Variants in ERC2 observed in about 807,000 individuals in gnomAD.
ERC2 encodes ELKS/RAB6-interacting/CAST family member 2.
ERC2 carries 42 observed loss-of-function variants against 114.8 expected under a neutral mutation model. The ratio of observed to expected loss-of-function variants is 0.37; its 90% CI spans 0.29 to 0.47. The LOEUF (loss-of-function observed/expected upper bound fraction) is 0.47, where lower values mean the gene tolerates loss of function less well. Ranked by LOEUF, ERC2 falls within the 20% of genes least tolerant of loss-of-function variation. The pLI is 0.99. For missense variants in ERC2, 939 were observed against 1,150.7 expected (o/e 0.82, Z 2.66); for synonymous variants, 454 against 425.5 (o/e 1.07, Z -0.82).
chr3:56,333,877 T>C (rs889114654), intron 2 of ERC2, among the ~76,000 whole-genome samples: 1 of 152,208 alleles, frequency 6.6e-6, no homozygotes, highest in African/African-American at 2.4e-5. Context: ...AGGAAACATA[T>C]TTTGAAGTCT....
In ERC2 at chr3:56,427,264, G is replaced by T. The variant is rs72875329; in HGVS notation, c.657+7087C>A. On this transcript the variant is annotated intron_variant, in intron 2 of 17. Coordinates refer to ENST00000288221, the MANE Select transcript of ERC2 (RefSeq NM_015576.3). The stretch of plus-strand genomic sequence containing the variant: ...TTGTTTTTCAGGGATTTTTTGTTTG[G>T]TTGGTTGGTTGGTTGGTTAGTTGGT... 5.2e-3 allele frequency among the ~76,000 whole-genome samples: 732 copies of T among 140,304 alleles called. 3 individuals carry two copies. The highest frequency in any genetic ancestry group is 6.7e-3 in the Non-Finnish European group (450 of 66,982). 92.0% of individuals were successfully genotyped at this position (140,304 alleles called of 152,430 possible). A position where few individuals can be genotyped will look rare whatever the true frequency, so the allele number is the denominator to read the frequency against.
At chr3:55,685,553 G>A (rs1051793678) in intron 16 of ERC2, among the ~76,000 whole-genome samples, 1 of 152,140 alleles carries the variant, frequency 6.6e-6, no homozygotes, top group African/African-American at 2.4e-5. Flanking sequence ...CTTCATGAAG[G>A]AGGGAAGTTT....
At chr3:56,064,076 A>G (rs1393500834) in intron 7 of ERC2, among the ~76,000 whole-genome samples, 1 of 152,218 alleles carries the variant, frequency 6.6e-6, no homozygotes, top group Non-Finnish European at 1.5e-5. Context: ...TAGCTAAATC[A>G]ATACCTACAT....
intron 3 of ERC2, among the ~76,000 whole-genome samples, chr3:56,291,705 C>T (rs1456961778): frequency 6.6e-6 from 1 of 151,922 alleles, no homozygotes; most frequent in African/African-American, 2.4e-5. Flanking sequence ...ACCTCAAGTA[C>T]ATTTTAAATC....
chr3:55,678,446 T>C (rs1434416825), intron 17 of ERC2, among the ~76,000 whole-genome samples: 1 of 152,208 alleles, frequency 6.6e-6, no homozygotes, highest in Admixed American at 6.5e-5. Context: ...TAGGTCCCTC[T>C]AGTCCCTAGG....
intron 13 of ERC2, among the ~76,000 whole-genome samples, chr3:55,904,548 C>G (rs993632882): frequency 1.3e-5 from 2 of 151,994 alleles, no homozygotes; most frequent in African/African-American, 4.8e-5. Flanking sequence ...CTTTTTGCTA[C>G]AAACTTAATG....
intron 3 of ERC2, among the ~76,000 whole-genome samples, chr3:56,290,238 T>C (rs965177171): frequency 6.6e-6 from 1 of 152,244 alleles, no homozygotes; most frequent in African/African-American, 2.4e-5. Context: ...CCAACCATTA[T>C]GAATTCTTCT....
chr3:56,372,098 T>C (rs892558338), intron 2 of ERC2, among the ~76,000 whole-genome samples: 1 of 152,094 alleles, frequency 6.6e-6, no homozygotes, highest in South Asian at 2.1e-4. Context: ...CACAAGAAAA[T>C]GAGCTAAAGA....
At chr3:55,984,378 G>T (rs185398584) in intron 12 of ERC2, among the ~76,000 whole-genome samples, 1 of 152,232 alleles carries the variant, frequency 6.6e-6, no homozygotes, top group Non-Finnish European at 1.5e-5. Flanking sequence ...TAAAGGCCCT[G>T]ACAGGAAGCT....
At chr3:56,277,122 A>G (rs2054057367) in intron 3 of ERC2, among the ~76,000 whole-genome samples, 1 of 152,196 alleles carries the variant, frequency 6.6e-6, no homozygotes, top group African/African-American at 2.4e-5. Flanking sequence ...TCTCCATAAA[A>G]CAACTGAATG....
At chr3:55,622,254 A>T (rs75560199) in intron 17 of ERC2, among the ~76,000 whole-genome samples, 2,474 of 152,302 alleles carry the variant, frequency 0.016, 69 homozygotes, top group African/African-American at 0.056. Context: ...AACAAATATG[A>T]AGTGCTGACT....
At chr3:55,947,410 A>G (rs2067195831) in intron 13 of ERC2, among the ~76,000 whole-genome samples, 2 of 152,174 alleles carry the variant, frequency 1.3e-5, no homozygotes, top group African/African-American at 2.4e-5. Flanking sequence ...CTCTCCTCGT[A>G]TCTACTCCCG....
intron 1 of ERC2, among the ~76,000 whole-genome samples, chr3:56,451,668 G>A (rs922489103): frequency 7.2e-5 from 11 of 152,176 alleles, no homozygotes; most frequent in Admixed American, 2.6e-4. Flanking sequence ...CAAATCTCTT[G>A]TCTATGAATG....
intron 3 of ERC2, among the ~76,000 whole-genome samples, chr3:56,282,916 C>A (rs1184050723): frequency 6.6e-6 from 1 of 152,158 alleles, no homozygotes; most frequent in Non-Finnish European, 1.5e-5. Context: ...AAGCAAAGAG[C>A]CACCATGCAA....
intron 12 of ERC2, among the ~76,000 whole-genome samples, chr3:55,968,140 T>G (rs2068892137): frequency 6.6e-6 from 1 of 152,098 alleles, no homozygotes; most frequent in Non-Finnish European, 1.5e-5. Flanking sequence ...TTATTTTCTT[T>G]TTTTAACATT....
intron 3 of ERC2, among the ~76,000 whole-genome samples, chr3:56,176,969 T>C (rs1378169152): frequency 6.6e-6 from 1 of 152,190 alleles, no homozygotes; most frequent in African/African-American, 2.4e-5. Context: ...TCTTTTTCTA[T>C]CTACTAGCTA....
chr3:56,141,611 C>T (rs1217121035), intron 5 of ERC2, among the ~76,000 whole-genome samples: 2 of 152,170 alleles, frequency 1.3e-5, no homozygotes, highest in Non-Finnish European at 2.9e-5. Context: ...TTTTATTAGG[C>T]TTCGCATTAT....
At chr3:55,745,428 A>T (rs559013270) in intron 14 of ERC2, among the ~76,000 whole-genome samples, 1 of 152,250 alleles carries the variant, frequency 6.6e-6, no homozygotes, top group Non-Finnish European at 1.5e-5. Flanking sequence ...AAAATATTTT[A>T]AAAAATTGGT....
At chr3:55,595,403 A>C (rs1320229329) in intron 17 of ERC2, among the ~76,000 whole-genome samples, 2 of 152,222 alleles carry the variant, frequency 1.3e-5, no homozygotes, top group Admixed American at 1.3e-4. Context: ...TCCAGTACCA[A>C]AGCTCTTCAA....
Sources: gnomAD v4.1 joint callset for allele counts (sites outside exome capture counted in the v4.1 genomes callset) on GRCh38, gnomAD v4.1.1 for gene constraint, MANE v1.5 for transcripts, NCBI Gene and HGNC (gene_info 2026-07-23, HGNC 2026-07-21) for gene names.